The following LYPLA1 variants were observed in gnomAD, a reference collection of about 807,000 sequenced individuals.
LYPLA1 encodes lysophospholipase 1.
LYPLA1 carries 17 observed loss-of-function variants against 34.0 expected under a neutral mutation model. The ratio of observed to expected loss-of-function variants is 0.50; its 90% CI spans 0.34 to 0.75. LYPLA1 has a LOEUF of 0.75. Ranked by LOEUF, LYPLA1 falls within the 30% of genes least tolerant of loss-of-function variation. The pLI is 0.01. For missense variants in LYPLA1, 203 were observed against 288.8 expected, an observed-to-expected ratio of 0.70 and a Z score of 2.15; for synonymous variants, 98 against 100.8, an observed-to-expected ratio of 0.97 and a Z score of 0.17.
chr8:54,077,057 C>T (rs1807962080), intron 2 of LYPLA1, among the ~76,000 whole-genome samples: 1 of 152,038 alleles, frequency 6.6e-6, no homozygotes, highest in Non-Finnish European at 1.5e-5. Context: ...CATTGCACTG[C>T]TATTCACAAC....
rs184853970 is a variant in LYPLA1, at chr8:54,098,422, T to A, written c.101+2486A>T. On this transcript the variant is annotated intron_variant, in intron 2 of 8. Coordinates refer to ENST00000316963, the MANE Select transcript of LYPLA1 (RefSeq NM_006330.4). ...GGCCAGGCATGGTGGCTCATGCCTG[T>A]AATCCCAGCACTGCGGGAGGCCGAG... Among the ~76,000 whole-genome samples the A allele has an allele frequency of 1.6e-4, 25 of 152,308 alleles. No homozygotes were observed. The East Asian group carries it at 4.8e-3, about 29-fold the overall frequency.
At chr8:54,071,082 TAGAC>T (rs1182113019) in intron 2 of LYPLA1, among the ~76,000 whole-genome samples, 1 of 152,260 alleles carries the variant, frequency 6.6e-6, no homozygotes, top group African/African-American at 2.4e-5. Flanking sequence ...GAGGAACCAT[TAGAC>T]AGACTCAAGT....
intron 2 of LYPLA1, among the ~76,000 whole-genome samples, chr8:54,094,474 A>T (rs113519454): frequency 7.2e-5 from 11 of 152,356 alleles, no homozygotes; most frequent in African/African-American, 2.6e-4. Flanking sequence ...ACAAATATGG[A>T]AAGGGAGAAG....
At chr8:54,063,487 C>T in intron 3 of LYPLA1, 112 bp from the exon 4 acceptor site, 4 of 701,426 alleles carry the variant, frequency 5.7e-6, no homozygotes, top group Non-Finnish European at 4.9e-6. Flanking sequence ...CTATATGCTA[C>T]AGTTTTAACA....
chr8:54,095,923 A>T (rs1247226717), intron 2 of LYPLA1, among the ~76,000 whole-genome samples: 2 of 152,236 alleles, frequency 1.3e-5, no homozygotes, highest in African/African-American at 4.8e-5. Context: ...GTTTCAGAAT[A>T]AAGAAAACTA....
At chr8:54,101,516 C>A (rs965508929) in intron 1 of LYPLA1, 1 of 1,136,068 alleles carries the variant, frequency 8.8e-7, no homozygotes, top group African/African-American at 1.6e-5. Flanking sequence ...GGTCCCGGGG[C>A]CACACTTCCT....
intron 2 of LYPLA1, 28 bp downstream of exon 2, chr8:54,100,878 ACT>A: frequency 6.3e-7 from 1 of 1,581,968 alleles, no homozygotes; most frequent in Non-Finnish European, 8.7e-7. Flanking sequence ...CAGTTTCATT[ACT>A]GTTACTATTA....
In LYPLA1 at chr8:54,046,875, A is replaced by G. The variant is rs1433985775; in HGVS notation, c.*1190T>C. The G allele has an allele frequency of 2.6e-5, 4 of 152,176 alleles. No individual in the cohort carries two copies. Among genetic ancestry groups the G allele is most frequent in the African/African-American group, 9.6e-5 (4 of 41,464 alleles). The allele number at this position is 152,176 out of a possible 1,614,324, so 9.4% of individuals were successfully genotyped here. A position where few individuals can be genotyped will look rare whatever the true frequency, so the allele number is the denominator to read the frequency against. ...ATTTTGACAATTTAAAATGATTGCT[A>G]TTTTTATGTCTGCATCAAAAACTAA... On this transcript the variant is annotated 3_prime_UTR_variant, in exon 9 of 9. Transcript: ENST00000316963.
intron 4 of LYPLA1, among the ~76,000 whole-genome samples, 155 bp from the exon 5 acceptor site, chr8:54,062,479 C>G (rs894353795): frequency 6.8e-6 from 1 of 147,760 alleles, no homozygotes; most frequent in African/African-American, 2.5e-5. Flanking sequence ...TTTTTTGAGA[C>G]GAAGTCTCAC....
chr8:54,089,774 C>G (rs1036554923), intron 2 of LYPLA1, among the ~76,000 whole-genome samples: 2 of 152,130 alleles, frequency 1.3e-5, no homozygotes, highest in Admixed American at 1.3e-4. Flanking sequence ...CAGGCACACT[C>G]TACCATGGCT....
At chr8:54,084,134 A>AAAAAAAAAAAAAATTTT (rs1808517114) in intron 2 of LYPLA1, among the ~76,000 whole-genome samples, 1 of 126,850 alleles carries the variant, frequency 7.9e-6, no homozygotes, top group Non-Finnish European at 1.6e-5. Context: ...GAAAAAAAAA[A>AAAAAAAAAAAAAATTTT]TAAATAAATA....
In LYPLA1 at chr8:54,061,168, C is replaced by T. The variant is rs550218450; in HGVS notation, c.286+1086G>A. 3.9e-5 allele frequency among the ~76,000 whole-genome samples: 6 copies of T among 151,938 alleles called. No homozygotes were observed. The South Asian group carries it at 1.2e-3, about 32-fold the overall frequency. ...CAATCTCGGCTCACTGAAACCTCTG[C>T]CTCCTGGGTTCAAGCGATTCTCCTG... is the stretch of plus-strand genomic sequence containing the variant. On this transcript the variant is annotated intron_variant, in intron 5 of 8. Coordinates refer to ENST00000316963, the MANE Select transcript of LYPLA1 (RefSeq NM_006330.4).
intron 5 of LYPLA1, 81 bp from the exon 6 acceptor site, chr8:54,055,214 A>G: frequency 1.3e-6 from 1 of 758,568 alleles, no homozygotes; most frequent in African/African-American, 1.8e-5. Flanking sequence ...AAAAATTAGT[A>G]ATAGAAAAGC....
rs139440588 is a variant in LYPLA1 at position 54,092,253 on chromosome 8, A to G, written c.101+8655T>C. Among the ~76,000 whole-genome samples, 456 of 147,758 alleles carry G rather than the reference A, an allele frequency of 3.1e-3. 11 individuals carry two copies. In the East Asian group the frequency reaches 0.065, roughly 21 times the overall value. On this transcript the variant is annotated intron_variant, in intron 2 of 8. Transcript: ENST00000316963. ...GAGGAGAAGGAGAAAGAAGGAAGAGAAGGAGAAGGAGGAGAAGGAGAAAGA... is the reference window on the plus strand; with the variant it reads ...GAGGAGAAGGAGAAAGAAGGAAGAGGAGGAGAAGGAGGAGAAGGAGAAAGA...
intron 2 of LYPLA1, among the ~76,000 whole-genome samples, chr8:54,086,637 G>A (rs977351018): frequency 2.6e-5 from 4 of 151,474 alleles, no homozygotes; most frequent in Admixed American, 6.6e-5. Flanking sequence ...CCAAAGTGGG[G>A]GGATTGCTTG....
At chr8:54,062,893 A>G (rs1359029209) in intron 4 of LYPLA1, among the ~76,000 whole-genome samples, 1 of 152,200 alleles carries the variant, frequency 6.6e-6, no homozygotes, top group Non-Finnish European at 1.5e-5. Flanking sequence ...AGTAGCACAT[A>G]GGAACAAAAA....
chr8:54,043,634 A>G (rs1245182086), downstream of LYPLA1, among the ~76,000 whole-genome samples: 2 of 151,366 alleles, frequency 1.3e-5, no homozygotes, highest in Non-Finnish European at 2.9e-5. Context: ...ATGGTGCAAA[A>G]TCGGTTCACT....
At chr8:54,061,929 C>G (rs1806664145) in intron 5 of LYPLA1, among the ~76,000 whole-genome samples, 2 of 152,146 alleles carry the variant, frequency 1.3e-5, no homozygotes. Flanking sequence ...GATCTCAGCT[C>G]ACTGCAACCT....
At chr8:54,054,958 T>C in intron 6 of LYPLA1, 102 bp downstream of exon 6, 1 of 713,922 alleles carries the variant, frequency 1.4e-6, no homozygotes. Flanking sequence ...TCAGTCAAGA[T>C]TCTATAACAT....
Sources: allele counts gnomAD v4.1 joint callset (sites outside exome capture counted in the v4.1 genomes callset), GRCh38; gene constraint gnomAD v4.1.1; transcripts MANE v1.5; gene names NCBI Gene and HGNC (gene_info 2026-07-23, HGNC 2026-07-21).